Variants in SMCR8 observed in about 807,000 individuals in gnomAD.
The protein encoded by SMCR8 is SMCR8-C9orf72 complex subunit, also known as guanine nucleotide exchange protein SMCR8.
Under a neutral mutation model 56.6 loss-of-function variants are expected in SMCR8, and 30 were observed. The ratio of observed to expected loss-of-function variants is 0.53; its 90% CI spans 0.40 to 0.72. The LOEUF is 0.72. Among genes scored for constraint, SMCR8 ranks in the 30% least tolerant of loss-of-function variants. The probability of loss-of-function intolerance (pLI) is 0.00; values close to 1 mark genes in which losing one functional copy is unlikely to be tolerated. For synonymous variants in SMCR8, 538 were observed against 456.0 expected (o/e 1.18, Z -2.29); for missense variants, 1,198 against 1,157.0 (o/e 1.04, Z -0.51).
rs200406677 is a variant in SMCR8, at chr17:18,317,726, G to T, written c.1937G>T (p.Gly646Val). The T allele has an allele frequency of 1.7e-4, 268 of 1,614,128 alleles. 2 individuals carry two copies. The highest frequency in any genetic ancestry group is 1.6e-3 in the South Asian group (147 of 91,086). The change falls in exon 1 of 2, where the codon GGG becomes GTG. Residue 646 changes from glycine to valine, a missense_variant. Physicochemically the swap from Gly to Val is moderately radical, Grantham distance 109. Transcript: ENST00000406438. ...NPSSRDNSCE[G>V]FPAYELDPSH... The stretch of plus-strand genomic sequence containing the variant: ...TCTTCCCGAGACAACAGTTGTGAAG[G>T]GTTTCCCGCTTATGAGCTGGACCCG...
Position 18,317,629 on chromosome 17 carries a change from A to G in SMCR8, c.1840A>G (p.Ser614Gly), listed in dbSNP as rs774830158. 4 of 1,614,008 alleles carry G rather than the reference A, an allele frequency of 2.5e-6. No individual in the cohort carries two copies. The African/African-American group carries it at 4.0e-5, about 16-fold the overall frequency. ...CTCTGACGAGGATGGGGTGGTGAGCAGCCCCCCACAGCGCCACAGGCAGAA... is the reference window on the plus strand; with the variant it reads ...CTCTGACGAGGATGGGGTGGTGAGCGGCCCCCCACAGCGCCACAGGCAGAA... Reference protein sequence around the residue: ...THSDEDGVVSSPPQRHRQKDQ... With the variant: ...THSDEDGVVSGPPQRHRQKDQ... The change falls in exon 1 of 2, where the codon AGC (serine) becomes GGC (glycine). Residue 614 changes from serine to glycine, a missense_variant. Physicochemically the swap from Ser to Gly is moderately conservative, Grantham distance 56. Transcript: ENST00000406438.
rs1563633 is a variant in SMCR8 at position 18,315,586 on chromosome 17, T to A, written c.-204T>A. ...TGGCGTTCATGAGGCCTCAGAGAGCTCCGGAGGAGCTACAACTGTGAGGGG... is the reference window on the plus strand; with the variant it reads ...TGGCGTTCATGAGGCCTCAGAGAGCACCGGAGGAGCTACAACTGTGAGGGG... On this transcript the variant is annotated 5_prime_UTR_variant, in exon 1 of 2. Transcript: ENST00000406438. The A allele has an allele frequency of 0.29, 156,012 of 538,562 alleles. 24,269 individuals are homozygous for A. The highest frequency in any genetic ancestry group is 0.35 in the African/African-American group (18,300 of 52,882). 33.4% of individuals were successfully genotyped at this position (538,562 alleles called of 1,614,324 possible). A position where few individuals can be genotyped will look rare whatever the true frequency, so the allele number is the denominator to read the frequency against.
rs1182298255 is a variant in SMCR8 at position 18,316,231 on chromosome 17, G to A, written c.442G>A (p.Gly148Ser). The change falls in exon 1 of 2, where the codon GGC becomes AGC. Residue 148 changes from glycine (G) to serine (S), a missense_variant. By Grantham distance (56) the Gly-to-Ser change is moderately conservative. Coordinates refer to ENST00000406438, the MANE Select transcript of SMCR8 (RefSeq NM_144775.3). ...TACCCTATACGACCTGGAGGCCCGT[G>A]GCTTCGTGAGGCCGTTTTGCATGGC... ...HLTLYDLEAR[G>S]FVRPFCMAYI... 1 of 1,613,814 alleles carries A rather than the reference G, an allele frequency of 6.2e-7. No homozygotes were observed. Among genetic ancestry groups the A allele is most frequent in the South Asian group, 1.1e-5 (1 of 91,084 alleles).
intron 1 of SMCR8, 38 bp from the exon 2 acceptor site, chr17:18,322,579 C>T: frequency 6.3e-7 from 1 of 1,591,288 alleles, no homozygotes; most frequent in Non-Finnish European, 8.6e-7. Flanking sequence ...CTTTCCCGGC[C>T]CTTGCCCTTC....
intron 1 of SMCR8, among the ~76,000 whole-genome samples, chr17:18,321,547 ATAG>A (rs1213747180): frequency 6.6e-6 from 1 of 152,262 alleles, no homozygotes; most frequent in Non-Finnish European, 1.5e-5. Flanking sequence ...GAGGGATGTA[ATAG>A]TAGTAACTGG....
At position 18,316,991 on chromosome 17, in the gene SMCR8, G is replaced by C. The variant is rs768274554; in HGVS notation, c.1202G>C (p.Ser401Thr). 1.2e-6 allele frequency: 2 copies of C among 1,614,202 alleles called. No homozygotes were observed. The highest frequency in any genetic ancestry group is 1.7e-6 in the Non-Finnish European group (2 of 1,180,038). Residue 401 changes from serine to threonine, a missense_variant, in exon 1 of 2, where the codon AGT becomes ACT. Physicochemically the swap from Ser to Thr is moderately conservative, Grantham distance 58 (BLOSUM62 1). Transcript: ENST00000406438. ...SKPSQDRPPS[S>T]SLEECPIPKV... is the part of the protein sequence containing the mutation. Reference sequence around the variant, plus strand: ...CCCAGTCAAGACAGGCCGCCTTCCAGTTCTCTAGAAGAATGCCCAATTCCT... The same window carrying C: ...CCCAGTCAAGACAGGCCGCCTTCCACTTCTCTAGAAGAATGCCCAATTCCT...
At chr17:18,321,508 A>G (rs778388732) in intron 1 of SMCR8, among the ~76,000 whole-genome samples, 5 of 152,256 alleles carry the variant, frequency 3.3e-5, no homozygotes, top group Non-Finnish European at 7.3e-5. Context: ...TCCTAAGCAC[A>G]ACTCATTTTG....
intron 1 of SMCR8, among the ~76,000 whole-genome samples, chr17:18,319,263 CCCACCTGAGAGCCATCGGAAGGGT>C (rs1982426675): frequency 6.6e-6 from 1 of 152,132 alleles, no homozygotes; most frequent in Non-Finnish European, 1.5e-5. Context: ...GCTCCCGGGG[CCCACCTGAGAGCCATCGGAAGGGT>C]CCACGTTTAG....
chr17:18,317,770 C>G lies in SMCR8; in HGVS notation c.1981C>G (p.Arg661Gly), dbSNP rs757228832. Residue 661 changes from arginine (R) to glycine (G), a missense_variant, in exon 1 of 2, where the codon CGG becomes GGG. Coordinates refer to ENST00000406438, the MANE Select transcript of SMCR8 (RefSeq NM_144775.3). ...GGACCCGAGCCACCTGCTGGCTAGC[C>G]GGGACATCAGTAAGACCAGCCTGGA... ...ELDPSHLLASRDISKTSLDNY... is the reference protein window; with the variant it reads ...ELDPSHLLASGDISKTSLDNY... 9.3e-6 allele frequency: 15 copies of G among 1,614,008 alleles called. No homozygotes were observed. The highest frequency in any genetic ancestry group is 1.7e-5 in the Admixed American group (1 of 59,994).
In SMCR8 at chr17:18,322,779, C is replaced by T; in HGVS notation, c.2523C>T (p.Ser841=). 1.9e-6 allele frequency: 3 copies of T among 1,614,150 alleles called. No individual in the cohort carries two copies. Among genetic ancestry groups the T allele is most frequent in the South Asian group, 1.1e-5 (1 of 91,082 alleles). Residue 841 remains serine (S), a synonymous_variant, in exon 2 of 2, where the codon AGC becomes AGT. Transcript: ENST00000406438. ...ADHRTQIKRG[S]TYYLHVQSML... ...ACCGCACACAGATCAAGCGGGGCAGCACCTACTACCTGCATGTCCAGAGCA... is the reference window on the plus strand; with the variant it reads ...ACCGCACACAGATCAAGCGGGGCAGTACCTACTACCTGCATGTCCAGAGCA...
chr17:18,322,798 C>G lies in SMCR8; in HGVS notation c.2542C>G (p.Gln848Glu), dbSNP rs1332776090. 7 of 1,613,998 alleles carry G rather than the reference C, an allele frequency of 4.3e-6. No individual in the cohort carries two copies. The South Asian group carries it at 5.5e-5, about 13-fold the overall frequency. The change falls in exon 2 of 2, where the codon CAG becomes GAG. Residue 848 changes from glutamine to glutamate, a missense_variant. Gln to Glu is a conservative substitution (Grantham distance 29, BLOSUM62 2). Transcript: ENST00000406438. ...GGGCAGCACCTACTACCTGCATGTC[C>G]AGAGCATGCTCACCCAGCTCTGCTC... ...KRGSTYYLHVQSMLTQLCSKA... is the reference protein window; with the variant it reads ...KRGSTYYLHVESMLTQLCSKA...
rs755464792 is a variant in SMCR8 at position 18,316,050 on chromosome 17, C to G, written c.261C>G (p.Leu87=). 2 of 1,614,138 alleles carry G rather than the reference C, an allele frequency of 1.2e-6. No individual in the cohort carries two copies. Among genetic ancestry groups the G allele is most frequent in the South Asian group, 2.2e-5 (2 of 91,086 alleles). Reference sequence around the variant, plus strand: ...CCAAAGTTTTTGGCACTTTTGATCTCAATTACTTCTCCCTGCGTATCATGT... The same window carrying G: ...CCAAAGTTTTTGGCACTTTTGATCTGAATTACTTCTCCCTGCGTATCATGT... ...NDTKVFGTFD[L]NYFSLRIMSV... The change falls in exon 1 of 2, where the codon CTC becomes CTG. Residue 87 remains leucine (L), a synonymous_variant. Coordinates refer to ENST00000406438, the MANE Select transcript of SMCR8 (RefSeq NM_144775.3).
rs1982295302 is a variant in SMCR8 at position 18,316,557 on chromosome 17, C to T, written c.768C>T (p.Tyr256=). 2 of 1,614,180 alleles carry T rather than the reference C, an allele frequency of 1.2e-6. No homozygotes were observed. Among genetic ancestry groups the T allele is most frequent in the Non-Finnish European group, 1.7e-6 (2 of 1,180,036 alleles). ...HQDLLKQIRS[Y]PHRKLKGHDL... is the part of the protein sequence containing the mutation. ...ACCTGCTGAAGCAGATCCGCTCATA[C>T]CCTCATCGGAAGTTGAAGGGGCATG... Residue 256 remains tyrosine (Y), a synonymous_variant, in exon 1 of 2, where the codon TAC becomes TAT. Coordinates refer to ENST00000406438, the MANE Select transcript of SMCR8 (RefSeq NM_144775.3).
In SMCR8 at chr17:18,316,646, A is replaced by G. The variant is rs985174018; in HGVS notation, c.857A>G (p.Asn286Ser). The G allele has an allele frequency of 1.9e-6, 3 of 1,613,826 alleles. No individual in the cohort carries two copies. The highest frequency in any genetic ancestry group is 1.1e-5 in the South Asian group (1 of 91,070). The change falls in exon 1 of 2, where the codon AAC becomes AGC. Residue 286 changes from asparagine (N) to serine (S), a missense_variant. Transcript: ENST00000406438. Reference sequence around the variant, plus strand: ...GCCAGCCAGGCATCCACTACCTCTAACCCTGATGAGTCTGCCGACACAGAC... The same window carrying G: ...GCCAGCCAGGCATCCACTACCTCTAGCCCTGATGAGTCTGCCGACACAGAC... The part of the protein sequence containing the change: ...DQASQASTTS[N>S]PDESADTDLY...
At position 18,316,242 on chromosome 17, in the gene SMCR8, G is replaced by A; in HGVS notation, c.453G>A (p.Arg151=). ...LYDLEARGFV[R]PFCMAYISAD... is the part of the protein sequence containing the mutation. ...ACCTGGAGGCCCGTGGCTTCGTGAG[G>A]CCGTTTTGCATGGCTTATATCTCTG... is the stretch of plus-strand genomic sequence containing the variant. The change falls in exon 1 of 2, where the codon AGG becomes AGA. Residue 151 remains arginine (R), a synonymous_variant. Coordinates refer to ENST00000406438, the MANE Select transcript of SMCR8 (RefSeq NM_144775.3). 6.2e-7 allele frequency: 1 copy of A among 1,613,760 alleles called. No individual in the cohort carries two copies.
chr17:18,321,978 G>A (rs1982511432), intron 1 of SMCR8, among the ~76,000 whole-genome samples: 1 of 152,186 alleles, frequency 6.6e-6, no homozygotes, highest in Non-Finnish European at 1.5e-5. Context: ...GTACAAGAGA[G>A]AGAGGTTATT....
At position 18,317,834 on chromosome 17, in the gene SMCR8, C is replaced by A. The variant is rs757365335; in HGVS notation, c.2045C>A (p.Ala682Glu). 1.2e-6 allele frequency: 2 copies of A among 1,614,128 alleles called. No homozygotes were observed. Among genetic ancestry groups the A allele is most frequent in the South Asian group, 1.1e-5 (1 of 91,074 alleles). ...ACCACCAGCTACGTGAGCAGTGTAGCGTCCACCAGCTCAGACAGGATCCCC... is the reference window on the plus strand; with the variant it reads ...ACCACCAGCTACGTGAGCAGTGTAGAGTCCACCAGCTCAGACAGGATCCCC... ...SDTTSYVSSV[A>E]STSSDRIPSA... The change falls in exon 1 of 2, where the codon GCG becomes GAG. Residue 682 changes from alanine (A) to glutamate (E), a missense_variant. Transcript: ENST00000406438.
At position 18,316,795 on chromosome 17, in the gene SMCR8, G is replaced by A. The variant is rs1226758513; in HGVS notation, c.1006G>A (p.Ala336Thr). The A allele has an allele frequency of 1.9e-6, 3 of 1,614,196 alleles. No individual in the cohort carries two copies. In the Admixed American group the frequency reaches 5.0e-5, roughly 27 times the overall value. ...CDTEYFTQTL[A>T]QLSHIEHMFR... ...CACTGAATATTTCACCCAGACCCTG[G>A]CTCAGCTCAGCCACATTGAACACAT... The change falls in exon 1 of 2, where the codon GCT (alanine) becomes ACT (threonine). Residue 336 changes from alanine to threonine, a missense_variant. Coordinates refer to ENST00000406438, the MANE Select transcript of SMCR8 (RefSeq NM_144775.3).
chr17:18,316,061 C>G lies in SMCR8; in HGVS notation c.272C>G (p.Ser91Cys). ...GGCACTTTTGATCTCAATTACTTCT[C>G]CCTGCGTATCATGTCTGTGGATTAC... ...VFGTFDLNYF[S>C]LRIMSVDYQA... The change falls in exon 1 of 2, where the codon TCC becomes TGC. Residue 91 changes from serine to cysteine, a missense_variant. Physicochemically the swap from Ser to Cys is moderately radical, Grantham distance 112. Coordinates refer to ENST00000406438, the MANE Select transcript of SMCR8 (RefSeq NM_144775.3). 1.2e-6 allele frequency: 2 copies of G among 1,614,152 alleles called. No individual in the cohort carries two copies. Among genetic ancestry groups the G allele is most frequent in the Non-Finnish European group, 1.7e-6 (2 of 1,180,038 alleles).
Sources: allele counts gnomAD v4.1 joint callset (sites outside exome capture counted in the v4.1 genomes callset), GRCh38; gene constraint gnomAD v4.1.1; transcripts MANE v1.5; gene names NCBI Gene and HGNC (gene_info 2026-07-23, HGNC 2026-07-21).